The following FNBP1 variants were observed in gnomAD, a reference collection of about 807,000 sequenced individuals.
The protein encoded by FNBP1 is formin-binding protein 1.
A neutral mutation model predicts 90.6 loss-of-function variants in FNBP1; 26 were observed. That is an observed-to-expected ratio of 0.29 (90% CI 0.21 to 0.40). FNBP1 has a LOEUF of 0.40. Ranked by LOEUF, FNBP1 falls within the 10% of genes least tolerant of loss-of-function variation. The probability of loss-of-function intolerance (pLI) is 1.00; values close to 1 mark genes in which losing one functional copy is unlikely to be tolerated. For missense variants in FNBP1, 635 were observed against 768.0 expected (o/e 0.83, Z 2.05); for synonymous variants, 260 against 265.2 (o/e 0.98, Z 0.19).
At chr9:129,997,974 G>A (rs570752490) in intron 1 of FNBP1, among the ~76,000 whole-genome samples, 30 of 150,166 alleles carry the variant, frequency 2.0e-4, no homozygotes, top group African/African-American at 6.9e-4. Flanking sequence ...ATCACTTGAG[G>A]TCAGGAGTTT....
intron 1 of FNBP1, among the ~76,000 whole-genome samples, chr9:129,999,856 T>C (rs913136803): frequency 6.6e-6 from 1 of 152,210 alleles, no homozygotes; most frequent in Non-Finnish European, 1.5e-5. Flanking sequence ...TCTAGCTTAA[T>C]AGAAGACAGC....
intron 1 of FNBP1, among the ~76,000 whole-genome samples, chr9:130,027,731 C>T (rs1157109628): frequency 6.6e-6 from 1 of 152,100 alleles, no homozygotes; most frequent in Non-Finnish European, 1.5e-5. Flanking sequence ...ACTCATATGG[C>T]TGGCAGCTAA....
intron 6 of FNBP1, among the ~76,000 whole-genome samples, chr9:129,939,966 T>C (rs895426139): frequency 6.6e-6 from 1 of 152,030 alleles, no homozygotes; most frequent in African/African-American, 2.4e-5. Flanking sequence ...TAGAGGAGGC[T>C]GACGTGGGAG....
At chr9:130,051,337 A>G in the FNBP1 span, among the ~76,000 whole-genome samples, 1 of 152,240 alleles carries the variant, frequency 6.6e-6, no homozygotes, top group Non-Finnish European at 1.5e-5. Flanking sequence ...AGCCAGGCCT[A>G]TCAAGTCTTT....
chr9:130,000,348 G>A (rs1285818265), intron 1 of FNBP1, among the ~76,000 whole-genome samples: 3 of 151,920 alleles, frequency 2.0e-5, no homozygotes, highest in African/African-American at 7.3e-5. Flanking sequence ...AAAATTAGCT[G>A]GGTGTGGTGG....
At chr9:129,994,062 T>C (rs1370065718) in intron 2 of FNBP1, among the ~76,000 whole-genome samples, 3 of 152,144 alleles carry the variant, frequency 2.0e-5, no homozygotes, top group African/African-American at 7.2e-5. Flanking sequence ...GACCTTGCAA[T>C]TAGATGCCTA....
chr9:129,996,167 G>A (rs559609818), intron 1 of FNBP1, among the ~76,000 whole-genome samples: 23 of 152,280 alleles, frequency 1.5e-4, no homozygotes, highest in South Asian at 1.2e-3. Flanking sequence ...TGTTGAATGA[G>A]GGACTGGCCT....
intron 4 of FNBP1, among the ~76,000 whole-genome samples, chr9:129,964,240 A>G (rs573845855): frequency 6.6e-6 from 1 of 152,302 alleles, no homozygotes; most frequent in South Asian, 2.1e-4. Flanking sequence ...TGCAAGCACT[A>G]AAGAAGGAGG....
Position 129,929,012 on chromosome 9 carries a change from T to G in FNBP1, c.642+555A>C, listed in dbSNP as rs1267391958. On this transcript the variant is annotated intron_variant, in intron 7 of 16. Coordinates refer to ENST00000446176, the MANE Select transcript of FNBP1 (RefSeq NM_015033.3). ...AGGCTGAACTTGGAGGATCCCTTGA[T>G]CCTTTGAGCCCAGGAGTTCAAAGCT... is the stretch of plus-strand genomic sequence containing the variant. 3.3e-5 allele frequency among the ~76,000 whole-genome samples: 5 copies of G among 152,106 alleles called. No individual in the cohort carries two copies. The East Asian group carries it at 9.7e-4, about 29-fold the overall frequency.
chr9:130,037,306 A>G (rs898180269), intron 1 of FNBP1, among the ~76,000 whole-genome samples: 7 of 152,044 alleles, frequency 4.6e-5, no homozygotes, highest in Non-Finnish European at 1.0e-4. Context: ...GTGAGCTGAG[A>G]TCGCGCCACT....
intron 12 of FNBP1, among the ~76,000 whole-genome samples, chr9:129,904,676 G>A (rs2037631516): frequency 6.6e-6 from 1 of 152,084 alleles, no homozygotes; most frequent in Non-Finnish European, 1.5e-5. Flanking sequence ...GCTTTATCTT[G>A]TTTCTTTCCT....
At chr9:129,919,797 T>A (rs184983489) in intron 10 of FNBP1, among the ~76,000 whole-genome samples, 132 of 152,322 alleles carry the variant, frequency 8.7e-4, no homozygotes, top group African/African-American at 3.0e-3. Flanking sequence ...AGGAACTTTT[T>A]CTAGTTAAAT....
upstream of FNBP1, among the ~76,000 whole-genome samples, chr9:130,043,433 G>A (rs2060007577): frequency 6.6e-6 from 1 of 152,366 alleles, no homozygotes; most frequent in African/African-American, 2.4e-5. Flanking sequence ...TGACTTCTTA[G>A]TGACCACTGT....
chr9:130,039,465 A>T (rs1481640370), intron 1 of FNBP1, among the ~76,000 whole-genome samples: 5 of 152,200 alleles, frequency 3.3e-5, no homozygotes, highest in Non-Finnish European at 7.3e-5. Flanking sequence ...ACTTGAGGTC[A>T]GGAGTTCGAG....
At chr9:129,896,508 C>T (rs555965546) in intron 15 of FNBP1, among the ~76,000 whole-genome samples, 1 of 152,218 alleles carries the variant, frequency 6.6e-6, no homozygotes, top group South Asian at 2.1e-4. Flanking sequence ...CTCAGCCTCC[C>T]GAGCAGCTGA....
chr9:129,892,414 C>CACACACACACACACACACACACACAA (rs762912634), intron 16 of FNBP1, among the ~76,000 whole-genome samples: 1 of 125,232 alleles, frequency 8.0e-6, no homozygotes, highest in East Asian at 2.2e-4. Flanking sequence ...CACACACACA[C>CACACACACACACACACACACACACAA]ACAAAAAGGT....
intron 6 of FNBP1, among the ~76,000 whole-genome samples, chr9:129,954,055 T>C (rs2046567034): frequency 1.3e-5 from 2 of 151,696 alleles, no homozygotes; most frequent in South Asian, 4.2e-4. Flanking sequence ...GCATAAATAA[T>C]TTCTTAAAAA....
intron 5 of FNBP1, 29 bp downstream of exon 5, chr9:129,958,462 G>A (rs943169061): frequency 1.4e-5 from 21 of 1,538,218 alleles, no homozygotes; most frequent in Non-Finnish European, 1.8e-5. Flanking sequence ...CTATAAAGCC[G>A]TTTCTTTTGC....
At chr9:129,985,637 A>C (rs1354522308) in intron 2 of FNBP1, among the ~76,000 whole-genome samples, 2 of 152,096 alleles carry the variant, frequency 1.3e-5, no homozygotes, top group African/African-American at 4.8e-5. Context: ...CCAACATGGC[A>C]AGACCCTGTC....
Sources: gnomAD v4.1 joint callset for allele counts (sites outside exome capture counted in the v4.1 genomes callset) on GRCh38, gnomAD v4.1.1 for gene constraint, MANE v1.5 for transcripts, NCBI Gene and HGNC (gene_info 2026-07-23, HGNC 2026-07-21) for gene names.